DMD: variants seen among roughly 807,000 people sequenced by gnomAD.
DMD encodes dystrophin.
Under a neutral mutation model 330.1 loss-of-function variants are expected in DMD, and 63 were observed. The ratio of observed to expected loss-of-function variants is 0.19; its 90% confidence interval spans 0.16 to 0.24. The LOEUF is 0.24. Ranked by LOEUF, DMD falls within the 10% of genes least tolerant of loss-of-function variation. DMD has a pLI of 1.00. For missense variants in DMD, 3,344 were observed against 2,684.1 expected (o/e 1.25, Z -5.43); for synonymous variants, 1,223 against 959.8 (o/e 1.27, Z -5.07).
chrX:32,784,568 C>T (rs775780214), intron 7 of DMD, among the ~76,000 whole-genome samples: 4 of 111,869 alleles, frequency 3.6e-5, no homozygotes, highest in Admixed American at 9.5e-5. Context: ...GACTTTATCA[C>T]TTAAGAAATC....
chrX:32,449,038 T>C (rs2098317543), intron 26 of DMD, among the ~76,000 whole-genome samples: 2 of 111,348 alleles, frequency 1.8e-5, no homozygotes, highest in African/African-American at 6.5e-5. Context: ...ATGAATAATA[T>C]TGAAACCATC....
At chrX:31,916,510 G>T (rs1003304105) in intron 47 of DMD, among the ~76,000 whole-genome samples, 9 of 111,845 alleles carry the variant, frequency 8.0e-5, no homozygotes, top group Admixed American at 2.9e-4. Flanking sequence ...TGTCTGAAGA[G>T]ACATTCATGG....
At chrX:33,155,070 T>C (rs971209893) in intron 1 of DMD, among the ~76,000 whole-genome samples, 2 of 112,004 alleles carry the variant, frequency 1.8e-5, no homozygotes, top group Non-Finnish European at 3.8e-5. Flanking sequence ...TAATCTTACA[T>C]TCTCCCCATG....
At chrX:33,021,588 A>G (rs1487279992) in intron 1 of DMD, among the ~76,000 whole-genome samples, 3 of 111,572 alleles carry the variant, frequency 2.7e-5, no homozygotes, top group Admixed American at 9.6e-5. Flanking sequence ...TCACTTTCGC[A>G]TAACAAATAT....
chrX:31,854,838 G>C (rs1294582166), intron 48 of DMD, among the ~76,000 whole-genome samples: 1 of 111,217 alleles, frequency 9.0e-6, no homozygotes, highest in Non-Finnish European at 1.9e-5. Context: ...ATTTCTTGTC[G>C]GGAGCTACCC....
chrX:33,177,450 T>C (rs1442079155), intron 1 of DMD, among the ~76,000 whole-genome samples: 1 of 111,967 alleles, frequency 8.9e-6, no homozygotes, highest in East Asian at 2.8e-4. Context: ...AGTGGTGCAA[T>C]CTCGGCTCAC....
chrX:31,895,151 T>C (rs895154123), intron 47 of DMD, among the ~76,000 whole-genome samples: 5 of 111,490 alleles, frequency 4.5e-5, no homozygotes, highest in Non-Finnish European at 9.4e-5. Flanking sequence ...TACAAAGTCA[T>C]GGAGTCTGGA....
chrX:32,183,553 A>AATATATATAT (rs988760643), intron 44 of DMD, among the ~76,000 whole-genome samples: 1 of 83,984 alleles, frequency 1.2e-5, no homozygotes, highest in African/African-American at 4.5e-5. Context: ...CAGCTACACA[A>AATATATATAT]ATATATATAT....
chrX:32,724,303 C>T (rs186726998), intron 7 of DMD, among the ~76,000 whole-genome samples: 1 of 111,452 alleles, frequency 9.0e-6, no homozygotes, highest in Admixed American at 9.6e-5. Flanking sequence ...ATTTATAAGG[C>T]TGTTATGGCT....
chrX:31,172,738 C>T (rs1007906696), intron 72 of DMD, among the ~76,000 whole-genome samples: 16 of 111,722 alleles, frequency 1.4e-4, no homozygotes, highest in African/African-American at 5.2e-4. Context: ...GCACTCCCTA[C>T]CTTACACTAC....
intron 9 of DMD, among the ~76,000 whole-genome samples, chrX:32,680,276 T>C (rs1407394065): frequency 9.0e-6 from 1 of 111,397 alleles, no homozygotes; most frequent in Non-Finnish European, 1.9e-5. Context: ...CATATGACCA[T>C]GAAAATATTT....
At chrX:31,278,135 G>T (rs1024831836) in intron 62 of DMD, among the ~76,000 whole-genome samples, 1 of 111,140 alleles carries the variant, frequency 9.0e-6, no homozygotes, top group Admixed American at 9.6e-5. Context: ...ATATAGATGC[G>T]TGTGTGCGTG....
intron 21 of DMD, among the ~76,000 whole-genome samples, chrX:32,482,795 T>A (rs1012519529): frequency 5.4e-5 from 6 of 110,893 alleles, no homozygotes; most frequent in African/African-American, 2.0e-4. Context: ...AAATAGAATT[T>A]TATCTTTTTA....
At chrX:31,641,488 C>T (rs915880104) in intron 54 of DMD, among the ~76,000 whole-genome samples, 38 of 84,569 alleles carry the variant, frequency 4.5e-4, no homozygotes, top group African/African-American at 1.6e-3. Flanking sequence ...GGCAAGAGAG[C>T]GAGACTCCGT....
intron 1 of DMD, among the ~76,000 whole-genome samples, chrX:33,189,203 CTG>C (rs768227435): frequency 3.6e-5 from 4 of 111,044 alleles, no homozygotes; most frequent in Non-Finnish European, 7.5e-5. Context: ...ACAATGAACT[CTG>C]TTGCTCACAT....
chrX:33,222,487 G>A (rs2052200661), intron 1 of DMD, among the ~76,000 whole-genome samples: 1 of 112,130 alleles, frequency 8.9e-6, no homozygotes, highest in African/African-American at 3.2e-5. Context: ...TGTGAACAAG[G>A]CGTGAATGCA....
chrX:32,157,669 G>T (rs1265628250), intron 44 of DMD, among the ~76,000 whole-genome samples: 1 of 112,072 alleles, frequency 8.9e-6, no homozygotes, highest in African/African-American at 3.3e-5. Context: ...TACAACTGAA[G>T]AAAGCAAGGG....
intron 50 of DMD, among the ~76,000 whole-genome samples, chrX:31,814,494 A>C (rs1345065722): frequency 4.9e-5 from 5 of 102,640 alleles, no homozygotes; most frequent in African/African-American, 1.1e-4. Flanking sequence ...AAAAAAAAAA[A>C]AAAAAAAAAA....
At chrX:32,560,726 A>T (rs754371559) in intron 16 of DMD, among the ~76,000 whole-genome samples, 1 of 111,794 alleles carries the variant, frequency 8.9e-6, no homozygotes, top group Non-Finnish European at 1.9e-5. Flanking sequence ...TGCTGAGAAT[A>T]ACAGCTTCCA....
Sources: allele counts gnomAD v4.1 joint callset (sites outside exome capture counted in the v4.1 genomes callset), GRCh38; gene constraint gnomAD v4.1.1; transcripts MANE v1.5; gene names NCBI Gene and HGNC (gene_info 2026-07-23, HGNC 2026-07-21).